CADPS2: variants seen among roughly 807,000 people sequenced by gnomAD.
CADPS2 encodes calcium-dependent secretion activator 2.
Under a neutral mutation model 172.5 loss-of-function variants are expected in CADPS2, and 93 were observed. The observed-to-expected ratio is 0.54, with a 90% CI of 0.46 to 0.64. The LOEUF (loss-of-function observed/expected upper bound fraction) is 0.64. CADPS2 is among the 30% of genes least tolerant of loss of function. The pLI is 0.00. For missense variants in CADPS2, 1,420 were observed against 1,565.9 expected (o/e 0.91, Z 1.57); for synonymous variants, 546 against 555.2 (o/e 0.98, Z 0.23).
intron 2 of CADPS2, among the ~76,000 whole-genome samples, chr7:122,707,774 A>C (rs1253616920): frequency 6.6e-6 from 1 of 151,688 alleles, no homozygotes; most frequent in Non-Finnish European, 1.5e-5. Flanking sequence ...CAGAATCTTT[A>C]CTTTTACAAT....
intron 1 of CADPS2, among the ~76,000 whole-genome samples, chr7:122,829,986 A>G (rs959036886): frequency 1.3e-5 from 2 of 151,772 alleles, no homozygotes; most frequent in African/African-American, 4.9e-5. Flanking sequence ...TGTACTATAT[A>G]ACTATTCATT....
intron 1 of CADPS2, among the ~76,000 whole-genome samples, chr7:122,793,382 T>C (rs1432653584): frequency 6.6e-6 from 1 of 152,212 alleles, no homozygotes; most frequent in Non-Finnish European, 1.5e-5. Flanking sequence ...AATTATGTAA[T>C]GCCCTTCTTT....
chr7:122,877,241 T>G (rs1821442753), intron 1 of CADPS2, among the ~76,000 whole-genome samples: 1 of 152,224 alleles, frequency 6.6e-6, no homozygotes, highest in South Asian at 2.1e-4. Context: ...TTTTATTTTC[T>G]TAATGTAATT....
intron 3 of CADPS2, among the ~76,000 whole-genome samples, chr7:122,635,177 G>A (rs1379558262): frequency 2.6e-5 from 4 of 152,124 alleles, no homozygotes; most frequent in Non-Finnish European, 2.9e-5. Context: ...TTGGTTAAGT[G>A]TTGAGTTTAA....
chr7:122,530,258 T>C lies in CADPS2; in HGVS notation c.1476-16943A>G, dbSNP rs569647159. On this transcript the variant is annotated intron_variant, in intron 8 of 29. Coordinates refer to ENST00000449022, the MANE Select transcript of CADPS2 (RefSeq NM_017954.11). ...CACAAAATTCTAACAAATTTCAATA[T>C]AGTTTTCAACAATAAGCTTTGAAAT... Among the ~76,000 whole-genome samples, 7 of 150,734 alleles carry C rather than the reference T, an allele frequency of 4.6e-5. No individual in the cohort carries two copies. In the South Asian group the frequency reaches 8.4e-4, roughly 18 times the overall value.
chr7:122,336,040 T>A (rs896383744), intron 28 of CADPS2, among the ~76,000 whole-genome samples: 1 of 152,212 alleles, frequency 6.6e-6, no homozygotes, highest in Non-Finnish European at 1.5e-5. Flanking sequence ...TGATGTGTTA[T>A]CTAGGGCTGT....
chr7:122,446,878 A>G (rs1034117699), intron 15 of CADPS2, among the ~76,000 whole-genome samples: 1 of 152,060 alleles, frequency 6.6e-6, no homozygotes, highest in African/African-American at 2.4e-5. Flanking sequence ...GGCTTACTTC[A>G]TTTCTTTTCC....
At chr7:122,626,517 G>GA (rs561338108) in intron 4 of CADPS2, among the ~76,000 whole-genome samples, 45 of 152,122 alleles carry the variant, frequency 3.0e-4, no homozygotes, top group Admixed American at 2.4e-3. Flanking sequence ...CCACTTGACT[G>GA]AAAACTGTAA....
intron 3 of CADPS2, among the ~76,000 whole-genome samples, chr7:122,656,462 CAA>C (rs1177354356): frequency 6.6e-6 from 1 of 151,850 alleles, no homozygotes; most frequent in Non-Finnish European, 1.5e-5. Flanking sequence ...GACAGGACTT[CAA>C]AAAAAGAGAC....
intron 8 of CADPS2, among the ~76,000 whole-genome samples, chr7:122,519,826 A>G (rs1316803862): frequency 2.0e-5 from 3 of 151,866 alleles, no homozygotes; most frequent in African/African-American, 7.3e-5. Context: ...AAAAAAGTTA[A>G]GAGAAAACAT....
chr7:122,739,468 A>T (rs965271575), intron 1 of CADPS2, among the ~76,000 whole-genome samples: 1 of 152,168 alleles, frequency 6.6e-6, no homozygotes, highest in Non-Finnish European at 1.5e-5. Context: ...ACTCTTTGGT[A>T]ATTACAGTGT....
At chr7:122,562,846 T>C (rs1053582615) in intron 7 of CADPS2, among the ~76,000 whole-genome samples, 12 of 152,168 alleles carry the variant, frequency 7.9e-5, no homozygotes, top group Admixed American at 2.6e-4. Flanking sequence ...TGTATTAATG[T>C]AGTTAAAGTT....
chr7:122,524,418 T>TA (rs1382210320), intron 8 of CADPS2, among the ~76,000 whole-genome samples: 1 of 152,030 alleles, frequency 6.6e-6, no homozygotes, highest in East Asian at 1.9e-4. Flanking sequence ...ACATACACTC[T>TA]AAAAAAATAA....
Position 122,871,153 on chromosome 7 carries a change from C to T in CADPS2, c.339+14846G>A, listed in dbSNP as rs200238478. Among the ~76,000 whole-genome samples the T allele has an allele frequency of 1.6e-3, 240 of 150,190 alleles. 1 individual carries two copies. Among genetic ancestry groups the T allele is most frequent in the African/African-American group, 5.6e-3 (229 of 40,926 alleles). On this transcript the variant is annotated intron_variant, in intron 1 of 29. Transcript: ENST00000449022. ...TCAAACAAAGGAAGACAGGGGACAA[C>T]GGAGGAGGGGAGAGATTGCCACAGT...
At chr7:122,549,475 G>C (rs977745710) in intron 8 of CADPS2, among the ~76,000 whole-genome samples, 2 of 151,958 alleles carry the variant, frequency 1.3e-5, no homozygotes. Context: ...ACAAAATTTA[G>C]CCAGGTGTGG....
chr7:122,560,466 T>C (rs936261387), intron 7 of CADPS2, among the ~76,000 whole-genome samples: 2 of 152,174 alleles, frequency 1.3e-5, no homozygotes, highest in African/African-American at 4.8e-5. Flanking sequence ...TCTAGCTACA[T>C]ACATCTCAGA....
chr7:122,663,406 TTGGC>T lies in CADPS2; in HGVS notation c.613_616del (p.Ala205AsnfsTer21). On this transcript the variant is annotated frameshift_variant, in exon 3 of 30. Coordinates refer to ENST00000449022, the MANE Select transcript of CADPS2 (RefSeq NM_017954.11). LOFTEE classifies it high-confidence loss of function. ...TTCACCTCTGTAAATGGCATCATAT[TTGGC>T]TATCCATGAGCTCAACACTGTCTCT... is the stretch of plus-strand genomic sequence containing the variant. The T allele has an allele frequency of 2.5e-6, 4 of 1,613,960 alleles. No individual in the cohort carries two copies. The highest frequency in any genetic ancestry group is 3.4e-6 in the Non-Finnish European group (4 of 1,179,894).
chr7:122,709,918 G>A (rs571305510), intron 2 of CADPS2, among the ~76,000 whole-genome samples: 2 of 151,934 alleles, frequency 1.3e-5, no homozygotes, highest in Non-Finnish European at 2.9e-5. Flanking sequence ...GGGGTTGGGG[G>A]AGAGGGAAGG....
chr7:122,525,689 AC>A (rs1332038332), intron 8 of CADPS2, among the ~76,000 whole-genome samples: 3 of 152,202 alleles, frequency 2.0e-5, no homozygotes, highest in Admixed American at 6.5e-5. Context: ...GAGTAGACTT[AC>A]GTAAACCCAG....
Sources: allele counts gnomAD v4.1 joint callset (sites outside exome capture counted in the v4.1 genomes callset), GRCh38; gene constraint gnomAD v4.1.1; transcripts MANE v1.5; gene names NCBI Gene and HGNC (gene_info 2026-07-23, HGNC 2026-07-21).